Variants in PIK3R5 observed in about 807,000 individuals in gnomAD.
The protein encoded by PIK3R5 is phosphoinositide-3-kinase regulatory subunit 5.
A neutral mutation model predicts 94.9 loss-of-function variants in PIK3R5; 32 were observed. That is an observed-to-expected ratio of 0.34 (90% CI 0.25 to 0.45). PIK3R5 has a LOEUF of 0.45. Ranked by LOEUF, PIK3R5 falls within the 20% of genes least tolerant of loss-of-function variation. The probability of loss-of-function intolerance (pLI) is 1.00; values close to 1 mark genes in which losing one functional copy is unlikely to be tolerated. For synonymous variants in PIK3R5, 443 were observed against 479.4 expected, an observed-to-expected ratio of 0.92 and a Z score of 0.99; for missense variants, 853 against 1,144.6, an observed-to-expected ratio of 0.75 and a Z score of 3.68.
intron 1 of PIK3R5, among the ~76,000 whole-genome samples, chr17:8,949,716 G>A (rs755170511): frequency 5.3e-5 from 8 of 152,128 alleles, no homozygotes; most frequent in Non-Finnish European, 1.2e-4. Context: ...TAAGCTATAC[G>A]GATGCAAAGG....
intron 1 of PIK3R5, among the ~76,000 whole-genome samples, chr17:8,940,788 T>A (rs2091165904): frequency 6.6e-6 from 1 of 152,164 alleles, no homozygotes; most frequent in South Asian, 2.1e-4. Context: ...CTCAAACTCC[T>A]AACCTCAGGT....
chr17:8,887,821 C>A, intron 10 of PIK3R5, 138 bp from the exon 11 acceptor site: 2 of 680,510 alleles, frequency 2.9e-6, no homozygotes, highest in Non-Finnish European at 4.7e-6. Flanking sequence ...AGGGAAACCC[C>A]ATCTCTACTA....
In PIK3R5 at chr17:8,887,500, TG is replaced by T. The variant is rs1453194950; in HGVS notation, c.1779+20del. The T allele has an allele frequency of 1.9e-6, 3 of 1,592,466 alleles. No individual in the cohort carries two copies. Among genetic ancestry groups the T allele is most frequent in the Non-Finnish European group, 8.6e-7 (1 of 1,168,904 alleles). ...CCAGAACTCTACTTTCCCCGACCAT[TG>T]GCCCAGGCTGGGGACATACTCCAGG... is the stretch of plus-strand genomic sequence containing the variant. On this transcript the variant is annotated intron_variant, in intron 11 of 18. Coordinates refer to ENST00000447110, the MANE Select transcript of PIK3R5 (RefSeq NM_001142633.3).
rs1417551019 is a variant in PIK3R5, at chr17:8,892,561, GAGTCCGA to G, written c.482+1018_482+1024del. Among the ~76,000 whole-genome samples, 1 of 152,076 alleles carries G rather than the reference GAGTCCGA, an allele frequency of 6.6e-6. No homozygotes were observed. The highest frequency in any genetic ancestry group is 1.5e-5 in the Non-Finnish European group (1 of 68,024). On this transcript the variant is annotated intron_variant, in intron 6 of 18. Coordinates refer to ENST00000447110, the MANE Select transcript of PIK3R5 (RefSeq NM_001142633.3). The surrounding 1 kb of genome is among the most constrained non-coding windows in gnomAD (Gnocchi z 4.3). ...GTAACCATGCTTAGGATGGTGCCTG[GAGTCCGA>G]ATAAAGGTCTAAAGGGCTTTGATGA... is the stretch of plus-strand genomic sequence containing the variant.
chr17:8,880,094 G>GCA lies in PIK3R5; in HGVS notation c.*544_*545insTG, dbSNP rs2089617188. On this transcript the variant is annotated 3_prime_UTR_variant, in exon 19 of 19. Coordinates refer to ENST00000447110, the MANE Select transcript of PIK3R5 (RefSeq NM_001142633.3). ...AAATTATTGAGGTGTGTGCGTGTGT[G>GCA]TGTGCGCATGTGCGTACATGCATGC... 1 of 152,520 alleles carries GCA rather than the reference G, an allele frequency of 6.6e-6. No individual in the cohort carries two copies. The highest frequency in any genetic ancestry group is 1.5e-5 in the Non-Finnish European group (1 of 68,186). The allele number at this position is 152,520 out of a possible 1,614,324, so 9.4% of individuals were successfully genotyped here. A position where few individuals can be genotyped will look rare whatever the true frequency, so the allele number is the denominator to read the frequency against.
intron 5 of PIK3R5, among the ~76,000 whole-genome samples, chr17:8,895,843 AGTT>A (rs978394631): frequency 6.6e-6 from 1 of 152,118 alleles, no homozygotes; most frequent in African/African-American, 2.4e-5. Flanking sequence ...TGATTTTCAG[AGTT>A]GTTTGGCTGG....
In PIK3R5 at chr17:8,905,689, A is replaced by G. The variant is rs2151401378; in HGVS notation, c.253T>C (p.Phe85Leu). Residue 85 changes from phenylalanine (F) to leucine (L), a missense_variant, in exon 4 of 19, where the codon TTC becomes CTC. Physicochemically the swap from Phe to Leu is conservative, Grantham distance 22 (BLOSUM62 0). Coordinates refer to ENST00000447110, the MANE Select transcript of PIK3R5 (RefSeq NM_001142633.3). ...YDLLTPLALL[F>L]YSTVLCTPHF... ...CTTACACAAAGAACAGTGGAATAGA[A>G]GAGCAGGGCCAGCGGGGTGAGCAGG... 1 of 1,606,556 alleles carries G rather than the reference A, an allele frequency of 6.2e-7. No homozygotes were observed. Among genetic ancestry groups the G allele is most frequent in the East Asian group, 2.2e-5 (1 of 44,670 alleles).
chr17:8,956,337 G>T (rs995732685), intron 1 of PIK3R5, among the ~76,000 whole-genome samples: 5 of 147,816 alleles, frequency 3.4e-5, no homozygotes, highest in African/African-American at 1.3e-4. Flanking sequence ...CTGCCATTGA[G>T]GTCTGAAGAG....
intron 1 of PIK3R5, among the ~76,000 whole-genome samples, chr17:8,937,788 A>G (rs1048815021): frequency 6.6e-6 from 1 of 152,124 alleles, no homozygotes; most frequent in Non-Finnish European, 1.5e-5. Context: ...ATTTTCTGGA[A>G]TGGACTGTAG....
At chr17:8,905,988 T>C (rs955345351) in intron 3 of PIK3R5, among the ~76,000 whole-genome samples, 1 of 152,274 alleles carries the variant, frequency 6.6e-6, no homozygotes, top group East Asian at 1.9e-4. Context: ...GTATTTTCTT[T>C]TCTTTGTTTT....
rs556686078 is a variant in PIK3R5, at chr17:8,928,584, AGAAG to A, written c.-13-17081_-13-17078del. Among the ~76,000 whole-genome samples, 292 of 152,364 alleles carry A rather than the reference AGAAG, an allele frequency of 1.9e-3. 2 individuals are homozygous for A. The highest frequency in any genetic ancestry group is 3.1e-3 in the Non-Finnish European group (210 of 68,032). On this transcript the variant is annotated intron_variant, in intron 1 of 18. Coordinates refer to ENST00000447110, the MANE Select transcript of PIK3R5 (RefSeq NM_001142633.3). ...CTTTTCATCAAAAATTATGAATGCT[AGAAG>A]GAAGTGGAATAACATATTCTAATTG...
In PIK3R5 at chr17:8,925,420, G is replaced by A; in HGVS notation, c.-13-13913C>T. On this transcript the variant is annotated intron_variant, in intron 1 of 18. Coordinates refer to ENST00000447110, the MANE Select transcript of PIK3R5 (RefSeq NM_001142633.3). This position sits in a 1 kb window ranked among gnomAD's most constrained non-coding sequence, Gnocchi z 5.1. ...TGGAGAGATAGTAGATGGATAGGTA[G>A]ATAGTAGATGGAGAGATAGATAGTA... Among the ~76,000 whole-genome samples the A allele has an allele frequency of 6.6e-6, 1 of 150,926 alleles. No individual in the cohort carries two copies. The highest frequency in any genetic ancestry group is 1.9e-4 in the East Asian group (1 of 5,146).
In PIK3R5 at chr17:8,888,041, TAATAATAA is replaced by T. The variant is rs1442185509; in HGVS notation, c.1616+122_1616+129del. 1.6e-5 allele frequency: 4 copies of T among 257,902 alleles called. No individual in the cohort carries two copies. Among genetic ancestry groups the T allele is most frequent in the African/African-American group, 5.1e-5 (2 of 39,382 alleles). The allele number at this position is 257,902 out of a possible 1,614,324, so 16.0% of individuals were successfully genotyped here. ...ATAATAATAATAATAATAATAATAA[TAATAATAA>T]AATAAAAATAAATAAGGGAACTTTT... On this transcript the variant is annotated intron_variant, in intron 10 of 18. Coordinates refer to ENST00000447110, the MANE Select transcript of PIK3R5 (RefSeq NM_001142633.3). This position sits in a 1 kb window ranked among gnomAD's most constrained non-coding sequence, Gnocchi z 7.8.
intron 5 of PIK3R5, among the ~76,000 whole-genome samples, chr17:8,903,296 C>T (rs1319745347): frequency 2.0e-5 from 3 of 151,664 alleles, no homozygotes; most frequent in Non-Finnish European, 2.9e-5. Flanking sequence ...CTAGATATTA[C>T]ATCTTCTTCC....
Position 8,887,232 on chromosome 17 carries a change from G to A in PIK3R5, c.1780-11C>T. 1 of 1,613,592 alleles carries A rather than the reference G, an allele frequency of 6.2e-7. No individual in the cohort carries two copies. The highest frequency in any genetic ancestry group is 8.5e-7 in the Non-Finnish European group (1 of 1,179,848). On this transcript the variant is annotated splice_polypyrimidine_tract_variant and intron_variant, in intron 11 of 18. Coordinates refer to ENST00000447110, the MANE Select transcript of PIK3R5 (RefSeq NM_001142633.3). ...GGTGGTGCCCAGCTCCTAGGGCAAA[G>A]AACAAGAGTCATCATCCCAGCTCCC...
intron 3 of PIK3R5, among the ~76,000 whole-genome samples, chr17:8,907,506 A>T (rs566974119): frequency 3.5e-4 from 53 of 152,218 alleles, no homozygotes; most frequent in Non-Finnish European, 6.2e-4. Context: ...ATAGACTTTT[A>T]TGACCTTTGA....
At chr17:8,964,887 T>G (rs960710422) in intron 1 of PIK3R5, among the ~76,000 whole-genome samples, 2 of 152,224 alleles carry the variant, frequency 1.3e-5, no homozygotes, top group East Asian at 3.8e-4. Flanking sequence ...CACATCCTGC[T>G]GCTTTAACCT....
In PIK3R5 at chr17:8,881,858, G is replaced by A. The variant is rs764018347; in HGVS notation, c.2229C>T (p.Arg743=). The change falls in exon 16 of 19, where the codon CGC becomes CGT. Residue 743 remains arginine (R), a synonymous_variant. Transcript: ENST00000447110. This position sits in a 1 kb window ranked among gnomAD's most constrained non-coding sequence, Gnocchi z 4.8. ...TACAGACCTTCTCCAGGTTGCTCCA[G>A]CGACTTCGTCCACTGATGGCCCCCT... ...YSKGAISGRS[R]WSNLEKVCTS... The A allele has an allele frequency of 8.1e-6, 13 of 1,613,908 alleles. No homozygotes were observed. The highest frequency in any genetic ancestry group is 1.0e-5 in the Non-Finnish European group (12 of 1,179,958).
At chr17:8,902,389 G>C (rs1048370794) in intron 5 of PIK3R5, among the ~76,000 whole-genome samples, 1 of 151,316 alleles carries the variant, frequency 6.6e-6, no homozygotes. Context: ...CGAGTAGCTG[G>C]GACTACAGGT....
Sources: allele counts gnomAD v4.1 joint callset (sites outside exome capture counted in the v4.1 genomes callset), GRCh38; gene constraint gnomAD v4.1.1; non-coding constraint Gnocchi (gnomAD v3.1); transcripts MANE v1.5; gene names NCBI Gene and HGNC (gene_info 2026-07-23, HGNC 2026-07-21).